Variants in EPM2A observed in about 807,000 individuals in gnomAD.
The protein encoded by EPM2A is EPM2A glucan phosphatase, laforin.
EPM2A carries 21 observed loss-of-function variants against 26.5 expected under a neutral mutation model. That is an observed-to-expected ratio of 0.79 (90% CI 0.56 to 1.14). EPM2A has a LOEUF of 1.14. EPM2A is among the 50% of genes most tolerant of loss of function. EPM2A has a pLI of 0.00. For synonymous variants in EPM2A, 217 were observed against 177.6 expected, an observed-to-expected ratio of 1.22 and a Z score of -1.76; for missense variants, 458 against 440.8, an observed-to-expected ratio of 1.04 and a Z score of -0.35.
intron 2 of EPM2A, among the ~76,000 whole-genome samples, chr6:145,502,782 ATTTG>A (rs1426795140): frequency 2.6e-5 from 4 of 152,222 alleles, no homozygotes; most frequent in South Asian, 2.1e-4. Context: ...TAATATATTT[ATTTG>A]TTTGATACAA....
intron 2 of EPM2A, among the ~76,000 whole-genome samples, chr6:145,569,384 C>G (rs537322818): frequency 5.7e-4 from 87 of 152,272 alleles, no homozygotes; most frequent in African/African-American, 2.1e-3. Context: ...GCATGCTATC[C>G]CATGGCAGAA....
chr6:145,482,498 C>A lies in EPM2A; in HGVS notation c.555+20024G>T, dbSNP rs146421462. On this transcript the variant is annotated intron_variant, in intron 4 of 4. Coordinates refer to the EPM2A transcript ENST00000638717. ...TATGTTTGATCACAGTCCATGGATA[C>A]CAATAAAGAGCCTCTATTTATTTAA... Among the ~76,000 whole-genome samples the A allele has an allele frequency of 2.4e-3, 372 of 152,024 alleles. 6 individuals are homozygous for A. The highest frequency in any genetic ancestry group is 0.011 in the East Asian group (59 of 5,170).
chr6:145,569,251 T>C (rs371424536), intron 2 of EPM2A, among the ~76,000 whole-genome samples: 4 of 152,216 alleles, frequency 2.6e-5, no homozygotes, highest in African/African-American at 7.2e-5. Context: ...CATGTTTTAC[T>C]CTTTCACTGG....
Position 145,501,755 on chromosome 6 carries a change from C to G in EPM2A, c.*52G>C, listed in dbSNP as rs79862016. 7 of 470,712 alleles carry G rather than the reference C, an allele frequency of 1.5e-5. No individual in the cohort carries two copies. In the Admixed American group the frequency reaches 1.6e-4, roughly 11 times the overall value. The allele number at this position is 470,712 out of a possible 1,614,324, so 29.2% of individuals were successfully genotyped here. On this transcript the variant is annotated 3_prime_UTR_variant, in exon 4 of 4. Coordinates refer to the EPM2A transcript ENST00000450221. ...CTGTGTGAGCTTGCACCAGTCGTCA[C>G]CCATCTGCCATCTTCTACGAGATAT...
intron 4 of EPM2A, among the ~76,000 whole-genome samples, chr6:145,422,850 A>C (rs1301223779): frequency 6.6e-6 from 1 of 152,138 alleles, no homozygotes; most frequent in Admixed American, 6.5e-5. Flanking sequence ...GTATCAATCA[A>C]TAAGGGTCCT....
intron 1 of EPM2A, among the ~76,000 whole-genome samples, chr6:145,713,614 A>G (rs1775458518): frequency 6.6e-6 from 1 of 152,340 alleles, no homozygotes; most frequent in South Asian, 2.1e-4. Flanking sequence ...ACTGAAACTC[A>G]TACACTGCTG....
chr6:145,503,772 GC>G (rs1325068930), intron 2 of EPM2A, among the ~76,000 whole-genome samples: 13 of 33,990 alleles, frequency 3.8e-4, no homozygotes, highest in African/African-American at 1.9e-3. Flanking sequence ...CCAAAAAAGA[GC>G]CCGCATCGCC....
Position 145,581,854 on chromosome 6 carries a change from A to G in EPM2A, c.340+53391T>C, listed in dbSNP as rs147786009. ...TTCTATTTCATTGTTCTACAGTGGA[A>G]TAGATAACCGTAGGTTGTAGCATAG... On this transcript the variant is annotated intron_variant, in intron 2 of 3. Transcript: ENST00000450221. Among the ~76,000 whole-genome samples, 311 of 152,260 alleles carry G rather than the reference A, an allele frequency of 2.0e-3. 4 individuals are homozygous for G. Among genetic ancestry groups the G allele is most frequent in the East Asian group, 2.5e-3 (13 of 5,192 alleles).
chr6:145,430,656 A>T (rs763633168), intron 4 of EPM2A, among the ~76,000 whole-genome samples: 3 of 152,312 alleles, frequency 2.0e-5, no homozygotes, highest in Admixed American at 6.5e-5. Context: ...TAGCAATAAA[A>T]TACAACAGAA....
At chr6:145,666,246 T>C (rs1338882417) in intron 2 of EPM2A, among the ~76,000 whole-genome samples, 1 of 104,860 alleles carries the variant, frequency 9.5e-6, no homozygotes, top group Non-Finnish European at 1.8e-5. Context: ...GACGACATGA[T>C]TGTTTATCTA....
intron 2 of EPM2A, among the ~76,000 whole-genome samples, chr6:145,574,992 C>T (rs1040209297): frequency 6.6e-6 from 1 of 152,174 alleles, no homozygotes; most frequent in African/African-American, 2.4e-5. Context: ...ATGCTCTCAA[C>T]ATCACCTCTA....
intron 1 of EPM2A, among the ~76,000 whole-genome samples, chr6:145,706,779 G>A (rs1329144255): frequency 6.6e-6 from 1 of 152,126 alleles, no homozygotes; most frequent in Non-Finnish European, 1.5e-5. Context: ...TGCTTGCTAT[G>A]TTTAAGAATT....
intron 1 of EPM2A, among the ~76,000 whole-genome samples, chr6:145,692,138 A>G (rs1781316649): frequency 6.6e-6 from 1 of 152,068 alleles, no homozygotes; most frequent in Non-Finnish European, 1.5e-5. Flanking sequence ...AAATTATACA[A>G]TGTTTAAAGT....
At chr6:145,677,740 T>TGA (rs1385278829) in intron 2 of EPM2A, among the ~76,000 whole-genome samples, 3 of 152,030 alleles carry the variant, frequency 2.0e-5, no homozygotes, top group Non-Finnish European at 4.4e-5. Flanking sequence ...AGGACCTCTT[T>TGA]AAGGAGAACT....
intron 1 of EPM2A, among the ~76,000 whole-genome samples, chr6:145,723,142 T>C (rs1400048235): frequency 1.3e-5 from 2 of 152,136 alleles, no homozygotes; most frequent in Admixed American, 1.3e-4. Flanking sequence ...TGCTCTAACA[T>C]AAATGCTGTA....
At position 145,626,031 on chromosome 6, in the gene EPM2A, A is replaced by G. The variant is rs575160327; in HGVS notation, c.*1385T>C. On this transcript the variant is annotated 3_prime_UTR_variant, in exon 4 of 4. Coordinates refer to ENST00000367519, the MANE Select transcript of EPM2A (RefSeq NM_005670.4). ...TTCTGACCTTAGTTTCCCCATCTTT[A>G]TCATGGAGATAATGAGACCTTCTTC... is the stretch of plus-strand genomic sequence containing the variant. The G allele has an allele frequency of 4.1e-5, 47 of 1,142,692 alleles. 1 individual carries two copies. The African/African-American group carries it at 6.5e-4, about 16-fold the overall frequency. 70.8% of individuals were successfully genotyped at this position (1,142,692 alleles called of 1,614,324 possible). A position where few individuals can be genotyped will look rare whatever the true frequency, so the allele number is the denominator to read the frequency against.
intron 1 of EPM2A, among the ~76,000 whole-genome samples, chr6:145,701,877 T>C (rs750771507): frequency 7.9e-5 from 12 of 152,218 alleles, no homozygotes; most frequent in Non-Finnish European, 1.6e-4. Flanking sequence ...AGCATTTTAA[T>C]GTACTCTTAA....
intron 4 of EPM2A, among the ~76,000 whole-genome samples, chr6:145,432,910 C>G (rs1778940407): frequency 6.6e-6 from 1 of 152,162 alleles, no homozygotes; most frequent in Non-Finnish European, 1.5e-5. Context: ...TTTCATGTTA[C>G]AGTGATGGCT....
intron 2 of EPM2A, among the ~76,000 whole-genome samples, chr6:145,669,198 T>C (rs893894378): frequency 6.6e-6 from 1 of 152,120 alleles, no homozygotes. Context: ...TTACAACTTA[T>C]CAAAACAAGA....
Sources: gnomAD v4.1 joint callset for allele counts (sites outside exome capture counted in the v4.1 genomes callset) on GRCh38, gnomAD v4.1.1 for gene constraint, MANE v1.5 for transcripts, NCBI Gene and HGNC (gene_info 2026-07-23, HGNC 2026-07-21) for gene names.